The following GALNTL6 variants were observed in gnomAD, a reference collection of about 807,000 sequenced individuals.
GALNTL6 encodes polypeptide N-acetylgalactosaminyltransferase-like 6.
In GALNTL6, 46 loss-of-function variants were observed where a neutral mutation model predicts 73.7. That is an observed-to-expected ratio of 0.62 (90% CI 0.49 to 0.80). The LOEUF is 0.80. GALNTL6 is among the 30% of genes least tolerant of loss of function. The pLI, the probability that GALNTL6 is intolerant of heterozygous loss-of-function variation, is 0.00. For missense variants in GALNTL6, 604 were observed against 755.0 expected (o/e 0.80, Z 2.34); for synonymous variants, 259 against 263.7 (o/e 0.98, Z 0.17).
chr4:172,126,692 C>T (rs942931457), intron 2 of GALNTL6, among the ~76,000 whole-genome samples: 1 of 152,144 alleles, frequency 6.6e-6, no homozygotes, highest in Non-Finnish European at 1.5e-5. Context: ...GCTTGGAGAC[C>T]ACACAAAGGC....
intron 2 of GALNTL6, among the ~76,000 whole-genome samples, chr4:172,024,453 A>G (rs1479188147): frequency 6.6e-6 from 1 of 151,812 alleles, no homozygotes; most frequent in Non-Finnish European, 1.5e-5. Flanking sequence ...CTAATAGTTG[A>G]CAGAACTAGA....
chr4:171,885,943 T>C (rs973866809), intron 2 of GALNTL6, among the ~76,000 whole-genome samples: 2 of 152,182 alleles, frequency 1.3e-5, no homozygotes, highest in Non-Finnish European at 2.9e-5. Flanking sequence ...AGAAACCAAA[T>C]TCACTTCTGT....
chr4:172,478,157 A>G (rs1733306872), intron 5 of GALNTL6, among the ~76,000 whole-genome samples: 1 of 151,650 alleles, frequency 6.6e-6, no homozygotes, highest in Admixed American at 6.6e-5. Context: ...ACAGAATTAG[A>G]AAAAAAAAAT....
rs574722714 is a variant in GALNTL6 at position 172,550,626 on chromosome 4, C to G, written c.553+201937C>G. Among the ~76,000 whole-genome samples the G allele has an allele frequency of 2.0e-5, 3 of 152,198 alleles. No homozygotes were observed. The East Asian group carries it at 5.8e-4, about 29-fold the overall frequency. ...TTTTATTTTATTTTAGAGACAGGAT[C>G]TTGCTCTATCACTCAGGCTGGAATG... On this transcript the variant is annotated intron_variant, in intron 5 of 12. Transcript: ENST00000506823.
chr4:172,779,294 G>A (rs190494316), intron 5 of GALNTL6, among the ~76,000 whole-genome samples: 314 of 152,256 alleles, frequency 2.1e-3, no homozygotes, highest in African/African-American at 7.4e-3. Flanking sequence ...CAACACCTTG[G>A]TACACGTGCT....
chr4:173,021,160 G>A (rs147456067), intron 11 of GALNTL6, among the ~76,000 whole-genome samples: 2 of 151,866 alleles, frequency 1.3e-5, no homozygotes, highest in East Asian at 1.9e-4. Context: ...CCTCTTACTC[G>A]TTCTCCTTCA....
chr4:172,346,087 A>G (rs1289575946), intron 4 of GALNTL6, among the ~76,000 whole-genome samples: 1 of 152,176 alleles, frequency 6.6e-6, no homozygotes, highest in African/African-American at 2.4e-5. Flanking sequence ...CTTGGCTTAT[A>G]CTGGAATGGT....
chr4:171,865,142 G>A (rs1217704117), intron 2 of GALNTL6, among the ~76,000 whole-genome samples: 2 of 150,532 alleles, frequency 1.3e-5, no homozygotes, highest in Non-Finnish European at 3.0e-5. Flanking sequence ...GTGAAACTCT[G>A]TCTCAAAAAA....
chr4:172,052,841 T>A (rs1424478956), intron 2 of GALNTL6, among the ~76,000 whole-genome samples: 1 of 152,226 alleles, frequency 6.6e-6, no homozygotes, highest in South Asian at 2.1e-4. Flanking sequence ...TAAACATACA[T>A]ACATATTCAC....
At chr4:172,621,405 T>C (rs1262222028) in intron 5 of GALNTL6, among the ~76,000 whole-genome samples, 1 of 152,178 alleles carries the variant, frequency 6.6e-6, no homozygotes, top group Non-Finnish European at 1.5e-5. Flanking sequence ...TTCTGAGACT[T>C]TTAAAGATTC....
Position 172,899,860 on chromosome 4 carries a change from CCATGGCATTTGTAAACTGT to C in GALNTL6, c.1041+16963_1041+16981del, listed in dbSNP as rs1191195266. Among the ~76,000 whole-genome samples, 7 of 152,286 alleles carry C rather than the reference CCATGGCATTTGTAAACTGT, an allele frequency of 4.6e-5. No homozygotes were observed. In the East Asian group the frequency reaches 1.4e-3, roughly 29 times the overall value. On this transcript the variant is annotated intron_variant, in intron 8 of 12. Transcript: ENST00000506823. The stretch of plus-strand genomic sequence containing the variant: ...CATATAGGGTAACTTCCTACCGTTG[CCATGGCATTTGTAAACTGT>C]CATGGCATTGGTGGGAGTGTAGCGA...
At chr4:172,325,465 T>A (rs529509205) in intron 4 of GALNTL6, among the ~76,000 whole-genome samples, 1 of 151,688 alleles carries the variant, frequency 6.6e-6, no homozygotes, top group Non-Finnish European at 1.5e-5. Flanking sequence ...CTGGAAAAAA[T>A]AAATAGCAAT....
At chr4:171,868,974 T>C (rs1033031472) in intron 2 of GALNTL6, among the ~76,000 whole-genome samples, 2 of 152,146 alleles carry the variant, frequency 1.3e-5, no homozygotes, top group Admixed American at 1.3e-4. Context: ...AGCCACCGTG[T>C]CTTGCCTCAA....
chr4:172,799,681 G>A (rs1313615165), intron 5 of GALNTL6, among the ~76,000 whole-genome samples: 2 of 152,248 alleles, frequency 1.3e-5, no homozygotes, highest in African/African-American at 2.4e-5. Context: ...GTAAAATGGT[G>A]CAGTCACTAT....
chr4:172,481,222 GGAGTTGTTCCTTCCTCCCGACCC>G (rs1468998958), intron 5 of GALNTL6, among the ~76,000 whole-genome samples: 1 of 151,958 alleles, frequency 6.6e-6, no homozygotes, highest in South Asian at 2.1e-4. Context: ...CAGCCAGTCG[GGAGTTGTTCCTTCCTCCCGACCC>G]GAGTTGTTCA....
intron 4 of GALNTL6, among the ~76,000 whole-genome samples, chr4:172,338,201 A>G (rs930468533): frequency 1.3e-5 from 2 of 151,904 alleles, no homozygotes; most frequent in Non-Finnish European, 2.9e-5. Flanking sequence ...TTGATTTTCA[A>G]CCTTGTCTTG....
chr4:172,186,525 A>G (rs1735419273), intron 2 of GALNTL6, among the ~76,000 whole-genome samples: 1 of 152,172 alleles, frequency 6.6e-6, no homozygotes, highest in Non-Finnish European at 1.5e-5. Context: ...CTACCATCAG[A>G]TAAATGGATA....
intron 3 of GALNTL6, among the ~76,000 whole-genome samples, chr4:172,279,871 C>G (rs566318991): frequency 6.6e-6 from 1 of 152,232 alleles, no homozygotes; most frequent in Admixed American, 6.5e-5. Context: ...TGTAGACTAT[C>G]CACACAATAG....
At chr4:173,006,042 A>T (rs777938933) in intron 10 of GALNTL6, among the ~76,000 whole-genome samples, 14 of 152,242 alleles carry the variant, frequency 9.2e-5, no homozygotes, top group Non-Finnish European at 1.6e-4. Context: ...CAGACTTGTC[A>T]CTCAGTGTTC....
Sources: allele counts gnomAD v4.1 joint callset (sites outside exome capture counted in the v4.1 genomes callset), GRCh38; gene constraint gnomAD v4.1.1; transcripts MANE v1.5; gene names NCBI Gene and HGNC (gene_info 2026-07-23, HGNC 2026-07-21).